The following CTSZ variants were observed in gnomAD, a reference collection of about 807,000 sequenced individuals.
CTSZ encodes the protein carboxypeptidase LB.
In CTSZ, 39 loss-of-function variants were observed where a neutral mutation model predicts 32.4. That is an observed-to-expected ratio of 1.20 (90% CI 0.93 to 1.57). CTSZ has a LOEUF of 1.57. CTSZ is among the 40% of genes most tolerant of loss of function. CTSZ has a pLI of 0.00. For synonymous variants in CTSZ, 168 were observed against 170.1 expected, an observed-to-expected ratio of 0.99 and a Z score of 0.10; for missense variants, 397 against 419.6, an observed-to-expected ratio of 0.95 and a Z score of 0.47.
intron 3 of CTSZ, among the ~76,000 whole-genome samples, chr20:58,999,924 C>A (rs1243078856): frequency 1.3e-5 from 2 of 152,194 alleles, no homozygotes; most frequent in African/African-American, 2.4e-5. Context: ...AAAAAATTAG[C>A]CGGGCGCGGT....
chr20:59,000,129 C>A (rs2091882790), intron 3 of CTSZ, among the ~76,000 whole-genome samples: 1 of 151,124 alleles, frequency 6.6e-6, no homozygotes, highest in South Asian at 2.1e-4. Flanking sequence ...TGTAATCCCA[C>A]CATTTTGGGA....
intron 1 of CTSZ, 112 bp from the exon 2 acceptor site, chr20:59,006,597 G>T: frequency 1.8e-6 from 2 of 1,137,954 alleles, no homozygotes; most frequent in Non-Finnish European, 1.2e-6. Flanking sequence ...GGGCATGGGA[G>T]TGGGGCCACA....
Position 59,006,979 on chromosome 20 carries a change from T to C in CTSZ, c.143+7A>G. 7.0e-7 allele frequency: 1 copy of C among 1,438,316 alleles called. No individual in the cohort carries two copies. Among genetic ancestry groups the C allele is most frequent in the Non-Finnish European group, 9.1e-7 (1 of 1,103,510 alleles). 89.1% of individuals were successfully genotyped at this position (1,438,316 alleles called of 1,614,324 possible). On this transcript the variant is annotated splice_region_variant and intron_variant, in intron 1 of 5. Transcript: ENST00000217131. ...CCCCCCAGGGCTGCCTCCCCGCCGG[T>C]GCCCACCTGCGCCCCAGCGGAGCCA...
At chr20:58,996,474 G>C (rs1184374314) in intron 5 of CTSZ, 165 bp downstream of exon 5, 8 of 706,210 alleles carry the variant, frequency 1.1e-5, no homozygotes, top group Non-Finnish European at 1.7e-5. Context: ...GTCAGAGAAG[G>C]GTCTGGCCCC....
rs2091893046 is a variant in CTSZ at position 59,002,305 on chromosome 20, C to T, written c.308-661G>A. Among the ~76,000 whole-genome samples the T allele has an allele frequency of 6.6e-6, 1 of 152,168 alleles. No homozygotes were observed. ...GGGTGGTCACCGAGGGACCTGCTTC[C>T]CTTCCCATGCACAAATGCAATAAAA... On this transcript the variant is annotated intron_variant, in intron 2 of 5. Transcript: ENST00000217131. The surrounding 1 kb of genome is among the most constrained non-coding windows in gnomAD (Gnocchi z 4.1).
intron 2 of CTSZ, among the ~76,000 whole-genome samples, chr20:59,001,885 C>T (rs1447065633): frequency 2.0e-5 from 3 of 152,264 alleles, no homozygotes; most frequent in African/African-American, 7.2e-5. Flanking sequence ...CCACACCTCC[C>T]GCTACAAATG....
At chr20:58,998,583 C>T (rs1310919945) in intron 3 of CTSZ, among the ~76,000 whole-genome samples, 7 of 148,700 alleles carry the variant, frequency 4.7e-5, no homozygotes, top group Non-Finnish European at 8.9e-5. Context: ...AAAGGACAGG[C>T]GTGGTGGCTC....
At chr20:59,003,185 C>T (rs1017718557) in intron 2 of CTSZ, among the ~76,000 whole-genome samples, 3 of 152,226 alleles carry the variant, frequency 2.0e-5, no homozygotes, top group Non-Finnish European at 4.4e-5. Flanking sequence ...GTCCCATGGC[C>T]TGCCCCCGAG....
intron 1 of CTSZ, 45 bp from the exon 2 acceptor site, chr20:59,006,530 G>C (rs1199409152): frequency 6.4e-7 from 1 of 1,568,380 alleles, no homozygotes; most frequent in African/African-American, 1.3e-5. Flanking sequence ...GGGGCTCCCG[G>C]GGGCCGTGGG....
At chr20:58,996,608 G>C (rs769060257) in intron 5 of CTSZ, 31 bp downstream of exon 5, 1 of 1,611,502 alleles carries the variant, frequency 6.2e-7, no homozygotes, top group African/African-American at 1.3e-5. Flanking sequence ...TTTTTTCTAG[G>C]AATGACCTTA....
chr20:58,997,781 G>A, intron 3 of CTSZ, 28 bp from the exon 4 acceptor site: 1 of 1,570,716 alleles, frequency 6.4e-7, no homozygotes, highest in Non-Finnish European at 8.6e-7. Flanking sequence ...AAGTCAGCAT[G>A]AGGCCGTCTC....
rs770416644 is a variant in CTSZ at position 59,001,595 on chromosome 20, G to A, written c.357C>T (p.Ser119=). ...RKGAWPSTLL[S]VQNVIDCGNA... ...TACCGCAGTCGATGACGTTCTGCAC[G>A]GACAGGAGGGTGGAGGGCCACGCTC... is the stretch of plus-strand genomic sequence containing the variant. Residue 119 remains serine, a synonymous_variant, in exon 3 of 6, where the codon TCC becomes TCT. Coordinates refer to ENST00000217131, the MANE Select transcript of CTSZ (RefSeq NM_001336.4). 1.7e-5 allele frequency: 28 copies of A among 1,614,082 alleles called. No individual in the cohort carries two copies. In the East Asian group the frequency reaches 2.7e-4, roughly 15 times the overall value.
chr20:59,007,090 C>G lies in CTSZ; in HGVS notation c.39G>C (p.Leu13=). Residue 13 remains leucine, a synonymous_variant, in exon 1 of 6, where the codon CTG becomes CTC. Transcript: ENST00000217131. The stretch of plus-strand genomic sequence containing the variant: ...GCGCCGCGCCCGCCAGCAGCACGAG[C>G]AGCAGAAGCGGCCGCCACCCTGGCC... ...RRGPGWRPLL[L]LVLLAGAAQG... is the part of the protein sequence containing the mutation. 2.1e-6 allele frequency: 3 copies of G among 1,450,500 alleles called. No homozygotes were observed. The African/African-American group carries it at 4.4e-5, about 21-fold the overall frequency. The allele number at this position is 1,450,500 out of a possible 1,614,324, so 89.9% of individuals were successfully genotyped here. A position where few individuals can be genotyped will look rare whatever the true frequency, so the allele number is the denominator to read the frequency against.
intron 5 of CTSZ, among the ~76,000 whole-genome samples, chr20:58,996,017 C>T (rs2091857976): frequency 6.6e-6 from 1 of 152,194 alleles, no homozygotes; most frequent in Non-Finnish European, 1.5e-5. Flanking sequence ...AACATGTTGA[C>T]TCTAGACTGG....
In CTSZ at chr20:59,001,417, G is replaced by A. The variant is rs2295358; in HGVS notation, c.487+48C>T. The A allele has an allele frequency of 1.6e-3, 2,556 of 1,559,394 alleles. 44 individuals are homozygous for A. The East Asian group carries it at 0.033, about 20-fold the overall frequency. ...CTCAGCCACGAAGGCCTGTGGAAGA[G>A]GGAGTGGAGGGCAGGAGGGTGGAGT... is the stretch of plus-strand genomic sequence containing the variant. On this transcript the variant is annotated intron_variant, in intron 3 of 5. Coordinates refer to ENST00000217131, the MANE Select transcript of CTSZ (RefSeq NM_001336.4).
In CTSZ at chr20:59,002,886, C is replaced by G. The variant is rs557073900; in HGVS notation, c.308-1242G>C. Reference sequence around the variant, plus strand: ...CCCCGCTCCCTTGTCAGCTATGCCCCCTCTAAGCAGATCTGCACACCCCAA... The same window carrying G: ...CCCCGCTCCCTTGTCAGCTATGCCCGCTCTAAGCAGATCTGCACACCCCAA... On this transcript the variant is annotated intron_variant, in intron 2 of 5. Transcript: ENST00000217131. This position sits in a 1 kb window ranked among gnomAD's most constrained non-coding sequence, Gnocchi z 4.1. Among the ~76,000 whole-genome samples, 90 of 152,210 alleles carry G rather than the reference C, an allele frequency of 5.9e-4. No homozygotes were observed. Among genetic ancestry groups the G allele is most frequent in the Admixed American group, 2.2e-3 (34 of 15,298 alleles).
intron 3 of CTSZ, 68 bp downstream of exon 3, chr20:59,001,397 C>T: frequency 6.6e-7 from 1 of 1,503,792 alleles, no homozygotes; most frequent in Non-Finnish European, 9.0e-7. Flanking sequence ...GGGTCCTCAG[C>T]CACGAAGGCC....
intron 2 of CTSZ, 146 bp from the exon 3 acceptor site, chr20:59,001,790 T>G (rs2091890953): frequency 1.0e-5 from 8 of 766,386 alleles, no homozygotes; most frequent in Admixed American, 5.3e-5. Flanking sequence ...TCCTTCTCCC[T>G]GCTGACCTCT....
At chr20:58,999,136 A>C (rs2091876189) in intron 3 of CTSZ, among the ~76,000 whole-genome samples, 1 of 152,146 alleles carries the variant, frequency 6.6e-6, no homozygotes, top group South Asian at 2.1e-4. Context: ...CCTGGGTTCA[A>C]GTGATTCTCC....
Sources: allele counts gnomAD v4.1 joint callset (sites outside exome capture counted in the v4.1 genomes callset), GRCh38; gene constraint gnomAD v4.1.1; non-coding constraint Gnocchi (gnomAD v3.1); transcripts MANE v1.5; gene names NCBI Gene and HGNC (gene_info 2026-07-23, HGNC 2026-07-21).